Variants in DYNC1I1 observed in about 807,000 individuals in gnomAD.
DYNC1I1 encodes cytoplasmic dynein 1 intermediate chain 1.
A neutral mutation model predicts 86.6 loss-of-function variants in DYNC1I1; 43 were observed. The observed-to-expected ratio is 0.50, with a 90% CI of 0.39 to 0.64. The LOEUF (loss-of-function observed/expected upper bound fraction) is 0.64, where lower values mean the gene tolerates loss of function less well. Ranked by LOEUF, DYNC1I1 falls within the 30% of genes least tolerant of loss-of-function variation. DYNC1I1 has a pLI of 0.00. For missense variants in DYNC1I1, 604 were observed against 788.8 expected, an observed-to-expected ratio of 0.77 and a Z score of 2.81; for synonymous variants, 262 against 283.7, an observed-to-expected ratio of 0.92 and a Z score of 0.77.
chr7:95,884,212 C>T lies in DYNC1I1; in HGVS notation c.490+14214C>T, dbSNP rs776874136. 1.1e-3 allele frequency among the ~76,000 whole-genome samples: 169 copies of T among 152,014 alleles called. 1 individual carries two copies. Among genetic ancestry groups the T allele is most frequent in the Non-Finnish European group, 1.7e-3 (117 of 67,996 alleles). On this transcript the variant is annotated intron_variant, in intron 6 of 16. Transcript: ENST00000447467. ...TGTCTGGCAATGTTGTAGACTCCAGCGGGACATGGTTAGAGAAGAAGTGGT... is the reference window on the plus strand; with the variant it reads ...TGTCTGGCAATGTTGTAGACTCCAGTGGGACATGGTTAGAGAAGAAGTGGT...
intron 3 of DYNC1I1, among the ~76,000 whole-genome samples, chr7:95,812,304 A>T (rs1794848317): frequency 1.3e-5 from 2 of 152,176 alleles, no homozygotes; most frequent in Non-Finnish European, 2.9e-5. Context: ...CATATGTGAT[A>T]TTGAGAACCC....
chr7:95,918,214 T>C (rs1791517473), intron 6 of DYNC1I1, among the ~76,000 whole-genome samples: 1 of 152,150 alleles, frequency 6.6e-6, no homozygotes, highest in African/African-American at 2.4e-5. Context: ...TTAATCTTGA[T>C]TGATTACATT....
At chr7:95,789,680 T>G (rs955993058) in intron 1 of DYNC1I1, among the ~76,000 whole-genome samples, 4 of 152,172 alleles carry the variant, frequency 2.6e-5, no homozygotes, top group African/African-American at 9.7e-5. Flanking sequence ...AGTGAACACC[T>G]TTCTCTGTTC....
intron 1 of DYNC1I1, among the ~76,000 whole-genome samples, chr7:95,793,992 G>T (rs972784690): frequency 3.4e-4 from 52 of 152,232 alleles, no homozygotes; most frequent in African/African-American, 1.2e-3. Context: ...TAGGCGCACA[G>T]ATGCATAATT....
intron 6 of DYNC1I1, among the ~76,000 whole-genome samples, chr7:95,953,416 A>AAGAG (rs143999518): frequency 1.4e-4 from 22 of 151,748 alleles, no homozygotes; most frequent in African/African-American, 5.3e-4. Context: ...GAAAGAAAGA[A>AAGAG]AGAGAGAGAG....
At chr7:96,081,065 C>T (rs1198534058) in intron 16 of DYNC1I1, among the ~76,000 whole-genome samples, 1 of 57,994 alleles carries the variant, frequency 1.7e-5, no homozygotes, top group Non-Finnish European at 3.2e-5. Flanking sequence ...GAGACTCCAT[C>T]TCAAAAAAAA....
intron 6 of DYNC1I1, among the ~76,000 whole-genome samples, chr7:95,960,209 C>T (rs1792829729): frequency 6.6e-6 from 1 of 152,156 alleles, no homozygotes; most frequent in African/African-American, 2.4e-5. Context: ...TGGGTTTAAG[C>T]TATTCAACTG....
At chr7:95,941,714 C>G (rs1390701918) in intron 6 of DYNC1I1, among the ~76,000 whole-genome samples, 1 of 152,194 alleles carries the variant, frequency 6.6e-6, no homozygotes, top group Non-Finnish European at 1.5e-5. Flanking sequence ...TCACCCCTTT[C>G]TTTGACTAGG....
At chr7:95,968,814 A>T (rs1204946886) in intron 6 of DYNC1I1, among the ~76,000 whole-genome samples, 1 of 134,182 alleles carries the variant, frequency 7.5e-6, no homozygotes. Context: ...ATTGTTCTGA[A>T]TTTTTTGCTC....
At chr7:95,792,687 C>A (rs532573029) in intron 1 of DYNC1I1, among the ~76,000 whole-genome samples, 3 of 151,268 alleles carry the variant, frequency 2.0e-5, no homozygotes, top group Non-Finnish European at 4.4e-5. Context: ...TTTTCTCCTT[C>A]TAATCTGTCT....
chr7:96,039,929 G>A (rs1226742634), intron 14 of DYNC1I1, among the ~76,000 whole-genome samples: 2 of 152,022 alleles, frequency 1.3e-5, no homozygotes, highest in African/African-American at 4.8e-5. Context: ...ATGGCCCTAT[G>A]TTATGTTTTT....
intron 14 of DYNC1I1, among the ~76,000 whole-genome samples, chr7:96,057,898 T>C (rs902118590): frequency 4.6e-5 from 7 of 152,178 alleles, no homozygotes; most frequent in African/African-American, 1.7e-4. Flanking sequence ...TATTGTGAAT[T>C]TATTTCCATC....
chr7:95,894,681 A>T (rs574582143), intron 6 of DYNC1I1, among the ~76,000 whole-genome samples: 3 of 152,306 alleles, frequency 2.0e-5, no homozygotes, highest in Middle Eastern at 3.4e-3. Context: ...CAATCAACAC[A>T]TTTTTGCCAA....
intron 6 of DYNC1I1, among the ~76,000 whole-genome samples, chr7:95,958,636 T>C (rs566908832): frequency 9.8e-5 from 15 of 152,348 alleles, no homozygotes; most frequent in African/African-American, 3.6e-4. Context: ...CCCACTTGTT[T>C]GAGACACTCA....
chr7:95,945,539 C>A (rs1437020589), intron 6 of DYNC1I1, among the ~76,000 whole-genome samples: 2 of 152,098 alleles, frequency 1.3e-5, no homozygotes, highest in African/African-American at 4.8e-5. Flanking sequence ...TTCAGAATAA[C>A]CTTCACATAA....
At chr7:95,879,211 T>C (rs1056952521) in intron 6 of DYNC1I1, among the ~76,000 whole-genome samples, 14 of 152,208 alleles carry the variant, frequency 9.2e-5, no homozygotes, top group Non-Finnish European at 1.6e-4. Flanking sequence ...TAAATATTTC[T>C]TTTTTCTTTT....
At chr7:95,892,280 G>A (rs903615399) in intron 6 of DYNC1I1, among the ~76,000 whole-genome samples, 7 of 151,914 alleles carry the variant, frequency 4.6e-5, no homozygotes, top group African/African-American at 1.5e-4. Context: ...GGGATTAAAA[G>A]CACACACTGG....
intron 6 of DYNC1I1, among the ~76,000 whole-genome samples, chr7:95,899,312 A>G (rs2116302230): frequency 6.6e-6 from 1 of 152,308 alleles, no homozygotes; most frequent in East Asian, 1.9e-4. Flanking sequence ...GACCCTGCTT[A>G]TATGTCAGAA....
intron 6 of DYNC1I1, among the ~76,000 whole-genome samples, chr7:95,946,942 G>T (rs1792418848): frequency 6.6e-6 from 1 of 152,146 alleles, no homozygotes; most frequent in South Asian, 2.1e-4. Flanking sequence ...GGATACAAAG[G>T]CCTCCCTGGT....
Sources: allele counts gnomAD v4.1 joint callset (sites outside exome capture counted in the v4.1 genomes callset), GRCh38; gene constraint gnomAD v4.1.1; transcripts MANE v1.5; gene names NCBI Gene and HGNC (gene_info 2026-07-23, HGNC 2026-07-21).